Variants in RECQL4 observed in about 807,000 individuals in gnomAD.
RECQL4 encodes the protein RecQ like helicase 4, also known as ATP-dependent DNA helicase Q4.
RECQL4 carries 158 observed loss-of-function variants against 128.6 expected under a neutral mutation model. The observed-to-expected ratio is 1.23, with a 90% CI of 1.08 to 1.40. The LOEUF (loss-of-function observed/expected upper bound fraction) is 1.40. RECQL4 is among the 40% of genes most tolerant of loss of function. The pLI, the probability that RECQL4 is intolerant of heterozygous loss-of-function variation, is 0.00. For synonymous variants in RECQL4, 996 were observed against 678.9 expected (o/e 1.47, Z -7.26); for missense variants, 2,293 against 1,649.8 (o/e 1.39, Z -6.75).
Position 144,515,858 on chromosome 8 carries a change from C to G in RECQL4, c.1164G>C (p.Glu388Asp), listed in dbSNP as rs1289670420. Residue 388 changes from glutamate to aspartate, a missense_variant, in exon 6 of 21, where the codon GAG becomes GAC. Transcript: ENST00000617875. ...AWKQKWRKKGECFGGGGATVT... is the reference protein window; with the variant it reads ...AWKQKWRKKGDCFGGGGATVT... Reference sequence around the variant, plus strand: ...CTGTGGCACCACCACCCCCAAAACACTCCCCTTTCTTCCGCCACTTCTGCT... The same window carrying G: ...CTGTGGCACCACCACCCCCAAAACAGTCCCCTTTCTTCCGCCACTTCTGCT... The G allele has an allele frequency of 3.1e-6, 5 of 1,612,982 alleles. No homozygotes were observed. The highest frequency in any genetic ancestry group is 4.2e-6 in the Non-Finnish European group (5 of 1,179,820).
intron 9 of RECQL4, 37 bp downstream of exon 9, chr8:144,514,899 T>C (rs774407955): frequency 1.6e-5 from 26 of 1,606,162 alleles, no homozygotes; most frequent in Non-Finnish European, 2.5e-6. Context: ...TGCTGGTTCT[T>C]GGCTGTGTAC....
rs745626745 is a variant in RECQL4 at position 144,517,107 on chromosome 8, C to T, written c.297G>A (p.Gln99=). The T allele has an allele frequency of 1.6e-5, 26 of 1,612,418 alleles. No individual in the cohort carries two copies. The highest frequency in any genetic ancestry group is 2.2e-5 in the Non-Finnish European group (26 of 1,179,736). Reference sequence around the variant, plus strand: ...GCTGCCCGTAGTCCGGCACCGAGCCCTGGCGGCTCCGCCCTGGCGTAGACT... The same window carrying T: ...GCTGCCCGTAGTCCGGCACCGAGCCTTGGCGGCTCCGCCCTGGCGTAGACT... ...SPQSTPGRSR[Q]GSVPDYGQRL... is the part of the protein sequence containing the mutation. Residue 99 remains glutamine (Q), a synonymous_variant, in exon 4 of 21, where the codon CAG becomes CAA. Coordinates refer to ENST00000617875, the MANE Select transcript of RECQL4 (RefSeq NM_004260.4).
In RECQL4 at chr8:144,513,908, C is replaced by T; in HGVS notation, c.2058+20G>A. ...TCAGCAGCCAGGGCCCTGCAGGGTC[C>T]CCAGAGCACACACACCCACCTGGTC... On this transcript the variant is annotated intron_variant, in intron 12 of 20. Transcript: ENST00000617875. The T allele has an allele frequency of 7.1e-7, 1 of 1,399,304 alleles. No homozygotes were observed. The highest frequency in any genetic ancestry group is 9.4e-7 in the Non-Finnish European group (1 of 1,060,520). 86.7% of individuals were successfully genotyped at this position (1,399,304 alleles called of 1,614,324 possible). A position where few individuals can be genotyped will look rare whatever the true frequency, so the allele number is the denominator to read the frequency against.
chr8:144,517,390 G>A lies in RECQL4; in HGVS notation c.213+24C>T, dbSNP rs766005296. On this transcript the variant is annotated intron_variant, in intron 3 of 20. Coordinates refer to ENST00000617875, the MANE Select transcript of RECQL4 (RefSeq NM_004260.4). ...CCGCCAAACAGGGAAGTGGGAGGAG[G>A]CTGGGGCGGCGGGGCCTGGGTACCT... The A allele has an allele frequency of 2.8e-5, 43 of 1,547,720 alleles. No individual in the cohort carries two copies. In the Admixed American group the frequency reaches 8.0e-4, roughly 29 times the overall value.
At position 144,517,394 on chromosome 8, in the gene RECQL4, G is replaced by C; in HGVS notation, c.213+20C>G. On this transcript the variant is annotated intron_variant, in intron 3 of 20. Coordinates refer to ENST00000617875, the MANE Select transcript of RECQL4 (RefSeq NM_004260.4). The stretch of plus-strand genomic sequence containing the variant: ...CAAACAGGGAAGTGGGAGGAGGCTG[G>C]GGCGGCGGGGCCTGGGTACCTCTTC... The C allele has an allele frequency of 1.3e-6, 2 of 1,551,296 alleles. No individual in the cohort carries two copies. Among genetic ancestry groups the C allele is most frequent in the Non-Finnish European group, 1.7e-6 (2 of 1,153,088 alleles).
Position 144,511,397 on chromosome 8 carries a change from C to G in RECQL4, c.*34G>C, listed in dbSNP as rs780582140. The stretch of plus-strand genomic sequence containing the variant: ...GTCACTGCCCTAGCCTCTGACAACC[C>G]CAGCTCTACCCGACATCCCCCAATG... On this transcript the variant is annotated 3_prime_UTR_variant, in exon 21 of 21. Coordinates refer to ENST00000617875, the MANE Select transcript of RECQL4 (RefSeq NM_004260.4). 1 of 1,604,204 alleles carries G rather than the reference C, an allele frequency of 6.2e-7. No homozygotes were observed. Among genetic ancestry groups the G allele is most frequent in the Non-Finnish European group, 8.5e-7 (1 of 1,172,788 alleles).
chr8:144,514,527 T>A lies in RECQL4; in HGVS notation c.1621-2A>T. ...GAGACACGGTGGCAGGCCAGACACCTGCAAATGCAGGAGCGACAGCCGTCA... is the reference window on the plus strand; with the variant it reads ...GAGACACGGTGGCAGGCCAGACACCAGCAAATGCAGGAGCGACAGCCGTCA... On this transcript the variant is annotated splice_acceptor_variant, in intron 9 of 20. Coordinates refer to ENST00000617875, the MANE Select transcript of RECQL4 (RefSeq NM_004260.4). LOFTEE classifies it high-confidence loss of function. The A allele has an allele frequency of 6.2e-7, 1 of 1,610,542 alleles. No homozygotes were observed. Among genetic ancestry groups the A allele is most frequent in the South Asian group, 1.1e-5 (1 of 90,772 alleles).
rs1463979799 is a variant in RECQL4, at chr8:144,512,887, T to C, written c.2715A>G (p.Pro905=). The stretch of plus-strand genomic sequence containing the variant: ...CCAAAGCCTGTACGGTAAGCTGTAT[T>C]GGGAGTGCCCGCTCATGGCCCATGC... ...RVCMGHERAL[P]IQLTVQALDM... The change falls in exon 15 of 21, where the codon CCA becomes CCG. Residue 905 remains proline (P), a synonymous_variant. Coordinates refer to ENST00000617875, the MANE Select transcript of RECQL4 (RefSeq NM_004260.4). 1 of 1,595,418 alleles carries C rather than the reference T, an allele frequency of 6.3e-7. No homozygotes were observed. Among genetic ancestry groups the C allele is most frequent in the Non-Finnish European group, 8.5e-7 (1 of 1,171,170 alleles).
At chr8:144,515,643 G>A (rs555627593) in intron 6 of RECQL4, 121 bp downstream of exon 6, 3 of 1,460,224 alleles carry the variant, frequency 2.1e-6, no homozygotes, top group South Asian at 1.3e-5. Context: ...GGGAGCTAGG[G>A]TAGGGCCTGG....
Position 144,513,120 on chromosome 8 carries a change from G to C in RECQL4, c.2482C>G (p.Leu828Val). Residue 828 changes from leucine (L) to valine (V), a missense_variant, in exon 15 of 21, where the codon CTG (leucine) becomes GTG (valine). Coordinates refer to ENST00000617875, the MANE Select transcript of RECQL4 (RefSeq NM_004260.4). ...CTGTCGGCGTGCACATGTCTGCGCA[G>C]CTCTCGCAGGTCTTCGCCCTGCAGG... Reference protein sequence around the residue: ...LQPQGEDLRELRRHVHADSTD... With the variant: ...LQPQGEDLREVRRHVHADSTD... 2.0e-6 allele frequency: 3 copies of C among 1,512,142 alleles called. No homozygotes were observed. The highest frequency in any genetic ancestry group is 1.8e-6 in the Non-Finnish European group (2 of 1,121,222). The allele number at this position is 1,512,142 out of a possible 1,614,324, so 93.7% of individuals were successfully genotyped here.
At position 144,515,795 on chromosome 8, in the gene RECQL4, G is replaced by C. The variant is rs1060504219; in HGVS notation, c.1227C>G (p.Phe409Leu). ...TKESCFLNEQFDHWAAQCPRP... is the reference protein window; with the variant it reads ...TKESCFLNEQLDHWAAQCPRP... Reference sequence around the variant, plus strand: ...GGGGACACTGGGCTGCCCAGTGATCGAACTGCTCGTTCAGGAAACAAGACT... The same window carrying C: ...GGGGACACTGGGCTGCCCAGTGATCCAACTGCTCGTTCAGGAAACAAGACT... The change falls in exon 6 of 21, where the codon TTC becomes TTG. Residue 409 changes from phenylalanine (F) to leucine (L), a missense_variant. Physicochemically the swap from Phe to Leu is conservative, Grantham distance 22 (BLOSUM62 0). Transcript: ENST00000617875. 6.2e-7 allele frequency: 1 copy of C among 1,612,552 alleles called. No homozygotes were observed. The highest frequency in any genetic ancestry group is 1.1e-5 in the South Asian group (1 of 90,960).
rs1388223940 is a variant in RECQL4 at position 144,512,570 on chromosome 8, A to G, written c.2886-9T>C. 6.2e-6 allele frequency: 10 copies of G among 1,612,288 alleles called. No individual in the cohort carries two copies. Among genetic ancestry groups the G allele is most frequent in the African/African-American group, 1.3e-5 (1 of 75,034 alleles). The stretch of plus-strand genomic sequence containing the variant: ...CAGCCAAAGGGGGACACCTGTGCCC[A>G]GGGAAAAAGGGACATGTGGCCAACA... On this transcript the variant is annotated splice_polypyrimidine_tract_variant and intron_variant, in intron 16 of 20. Transcript: ENST00000617875.
chr8:144,512,505 C>A lies in RECQL4; in HGVS notation c.2942G>T (p.Gly981Val), dbSNP rs1564790911. 6.2e-7 allele frequency: 1 copy of A among 1,612,544 alleles called. No homozygotes were observed. The highest frequency in any genetic ancestry group is 1.1e-5 in the South Asian group (1 of 91,092). ...AQQLPEDPGQ[G>V]SSSVEFDMVK... ...CATGTCAAACTCCACGGAGCTGCTG[C>A]CTTGCCCTGGGTCCTCAGGCAGCTG... Residue 981 changes from glycine to valine, a missense_variant, in exon 17 of 21, where the codon GGC (glycine) becomes GTC (valine). Physicochemically the swap from Gly to Val is moderately radical, Grantham distance 109. Transcript: ENST00000617875.
chr8:144,516,628 T>A lies in RECQL4; in HGVS notation c.491A>T (p.Glu164Val), dbSNP rs1554903532. The A allele has an allele frequency of 6.2e-7, 1 of 1,610,490 alleles. No individual in the cohort carries two copies. Among genetic ancestry groups the A allele is most frequent in the Non-Finnish European group, 8.5e-7 (1 of 1,178,850 alleles). ...KVSDEPPQLP[E>V]PQPRPGRLQH... Reference sequence around the variant, plus strand: ...GAGCCGGCCTGGCCTTGGCTGGGGCTCAGGGAGCTGTGGAGGCTCATCACT... The same window carrying A: ...GAGCCGGCCTGGCCTTGGCTGGGGCACAGGGAGCTGTGGAGGCTCATCACT... Residue 164 changes from glutamate (E) to valine (V), a missense_variant, in exon 5 of 21, where the codon GAG (glutamate) becomes GTG (valine). Transcript: ENST00000617875.
At chr8:144,517,657 C>T (rs1255999771) in intron 1 of RECQL4, 22 bp from the exon 2 acceptor site, 22 of 1,471,694 alleles carry the variant, frequency 1.5e-5, no homozygotes, top group Admixed American at 2.4e-5. Context: ...ACGCGTCAGC[C>T]GCGGGCCGCG....
chr8:144,511,882 G>A (rs373689479), intron 19 of RECQL4, 29 bp downstream of exon 19: 14 of 1,609,666 alleles, frequency 8.7e-6, no homozygotes, highest in African/African-American at 5.3e-5. Context: ...CTGCAACCCC[G>A]ATGAGCTGCC....
rs1586787522 is a variant in RECQL4, at chr8:144,511,523, G to T, written c.3535C>A (p.Gln1179Lys). ...TATTTTCTCCAGAAGCGTCGGTCCT[G>T]CCCGTACACCTGGGCCGGGTAGCAG... The part of the protein sequence containing the change: ...SPCYPAQVYG[Q>K]DRRFWRKYLH... The change falls in exon 21 of 21, where the codon CAG becomes AAG. Residue 1179 changes from glutamine (Q) to lysine (K), a missense_variant. Coordinates refer to ENST00000617875, the MANE Select transcript of RECQL4 (RefSeq NM_004260.4). The T allele has an allele frequency of 6.2e-7, 1 of 1,612,564 alleles. No homozygotes were observed. Among genetic ancestry groups the T allele is most frequent in the Non-Finnish European group, 8.5e-7 (1 of 1,179,770 alleles).
chr8:144,517,370 A>G, intron 3 of RECQL4, 44 bp downstream of exon 3: 2 of 1,522,616 alleles, frequency 1.3e-6, no homozygotes, highest in Non-Finnish European at 1.8e-6. Flanking sequence ...CCACTCCGCC[A>G]AACAGGGAAG....
rs773424301 is a variant in RECQL4, at chr8:144,513,592, C to A, written c.2179G>T (p.Ala727Ser). 1 of 1,609,862 alleles carries A rather than the reference C, an allele frequency of 6.2e-7. No individual in the cohort carries two copies. Among genetic ancestry groups the A allele is most frequent in the Non-Finnish European group, 8.5e-7 (1 of 1,178,738 alleles). ...AALLRTCLHA[A>S]WVPGSGGRAP... The stretch of plus-strand genomic sequence containing the variant: ...GCACCTCCAGACCCTGGGACCCAGG[C>A]TGCGTGCAGGCAGGTTCGGAGGAGC... Residue 727 changes from alanine (A) to serine (S), a missense_variant, in exon 13 of 21, where the codon GCC becomes TCC. Coordinates refer to ENST00000617875, the MANE Select transcript of RECQL4 (RefSeq NM_004260.4).
Sources: gnomAD v4.1 joint callset for allele counts on GRCh38, gnomAD v4.1.1 for gene constraint, MANE v1.5 for transcripts, NCBI Gene and HGNC (gene_info 2026-07-23, HGNC 2026-07-21) for gene names.